TBC1D21: variants seen among roughly 807,000 people sequenced by gnomAD.
TBC1D21 encodes the protein TBC1 domain family member 21, also known as male germ cell Rab GTPase-activating protein.
Under a neutral mutation model 46.0 loss-of-function variants are expected in TBC1D21, and 38 were observed. The observed-to-expected ratio is 0.83, with a 90% CI of 0.64 to 1.08. TBC1D21 has a LOEUF of 1.08. Among genes scored for constraint, TBC1D21 ranks in the 50% least tolerant of loss-of-function variants. The probability of loss-of-function intolerance (pLI) is 0.00; values close to 1 mark genes in which losing one functional copy is unlikely to be tolerated. For missense variants in TBC1D21, 415 were observed against 417.9 expected (o/e 0.99, Z 0.06); for synonymous variants, 151 against 157.2 (o/e 0.96, Z 0.29).
rs1472597784 is a variant in TBC1D21, at chr15:73,873,718, C to A, written c.9C>A (p.Thr3=). The change falls in exon 1 of 11, where the codon ACC becomes ACA. Residue 3 remains threonine (T), a synonymous_variant. Transcript: ENST00000300504. The part of the protein sequence containing the change: MT[T]LSPENSLSAR... ...GGAAGACAGCAGGGGCCATGACCAC[C>A]CTCTCTCCTGAAAACAGCCTCTCTG... is the stretch of plus-strand genomic sequence containing the variant. 6.2e-7 allele frequency: 1 copy of A among 1,607,204 alleles called. No homozygotes were observed. Among genetic ancestry groups the A allele is most frequent in the South Asian group, 1.1e-5 (1 of 89,738 alleles).
At chr15:73,900,668 G>C in the TBC1D21 span, among the ~76,000 whole-genome samples, 1 of 152,334 alleles carries the variant, frequency 6.6e-6, no homozygotes, top group African/African-American at 2.4e-5. Context: ...ACAGTCCTAG[G>C]AGAGAGGCAG....
At chr15:73,903,601 AGT>A in the TBC1D21 span, among the ~76,000 whole-genome samples, 3 of 152,188 alleles carry the variant, frequency 2.0e-5, no homozygotes, top group Non-Finnish European at 4.4e-5. Flanking sequence ...AGGCCTGTTT[AGT>A]GGGGGCAGGG....
intron 4 of TBC1D21, among the ~76,000 whole-genome samples, chr15:73,884,458 A>G (rs2068206924): frequency 6.6e-6 from 1 of 152,186 alleles, no homozygotes; most frequent in African/African-American, 2.4e-5. Flanking sequence ...TCCTGGGTGC[A>G]TGATGTTCCT....
chr15:73,896,120 TGGGCTTGGA>T, the TBC1D21 span, among the ~76,000 whole-genome samples: 1,404 of 95,260 alleles, frequency 0.015, 71 homozygotes, highest in East Asian at 0.13. Context: ...GAGGTGAAAA[TGGGCTTGGA>T]GGAGATGAGA....
At chr15:73,889,689 A>G (rs1420069629), downstream of TBC1D21, among the ~76,000 whole-genome samples, 1 of 152,228 alleles carries the variant, frequency 6.6e-6, no homozygotes, top group Non-Finnish European at 1.5e-5. Context: ...TCCTGGTTTC[A>G]AAGCCTCCCT....
At chr15:73,903,439 T>C in the TBC1D21 span, among the ~76,000 whole-genome samples, 2 of 152,182 alleles carry the variant, frequency 1.3e-5, no homozygotes, top group African/African-American at 4.8e-5. Flanking sequence ...ACTCAGAGGG[T>C]CCACAGGGGG....
chr15:73,873,967 A>C (rs2068014254), intron 1 of TBC1D21, among the ~76,000 whole-genome samples, 198 bp downstream of exon 1: 1 of 152,192 alleles, frequency 6.6e-6, no homozygotes. Flanking sequence ...CTTCTTTCCA[A>C]GCCAGCAAAA....
At chr15:73,905,963 C>T in the TBC1D21 span, among the ~76,000 whole-genome samples, 2 of 152,164 alleles carry the variant, frequency 1.3e-5, no homozygotes, top group African/African-American at 2.4e-5. Context: ...CCTGCCTGAA[C>T]ATTGGGAGAA....
At chr15:73,889,359 G>A (rs1259370598), downstream of TBC1D21, 3 of 504,000 alleles carry the variant, frequency 6.0e-6, no homozygotes, top group African/African-American at 3.9e-5. Flanking sequence ...AAGAGACTGG[G>A]TCAGTGGCTC....
Position 73,886,531 on chromosome 15 carries a change from T to C in TBC1D21, c.696T>C (p.Ala232=). 1.2e-6 allele frequency: 2 copies of C among 1,613,742 alleles called. No individual in the cohort carries two copies. The highest frequency in any genetic ancestry group is 1.7e-6 in the Non-Finnish European group (2 of 1,180,002). Residue 232 remains alanine (A), a synonymous_variant, in exon 8 of 11, where the codon GCT becomes GCC. Transcript: ENST00000300504. ...AEHLKGKGAG[A]VQSLFPWFCF... Reference sequence around the variant, plus strand: ...CCACAGAAGGGAAGGGTGCAGGGGCTGTGCAGTCCCTCTTCCCCTGGTTCT... The same window carrying C: ...CCACAGAAGGGAAGGGTGCAGGGGCCGTGCAGTCCCTCTTCCCCTGGTTCT...
At chr15:73,893,958 G>A (rs1055449638), downstream of TBC1D21, among the ~76,000 whole-genome samples, 13 of 152,176 alleles carry the variant, frequency 8.5e-5, no homozygotes, top group East Asian at 3.8e-4. Flanking sequence ...TATGTTCCAC[G>A]CCTTGTGCTA....
At chr15:73,887,310 G>T (rs573379742) in intron 8 of TBC1D21, among the ~76,000 whole-genome samples, 34 of 152,162 alleles carry the variant, frequency 2.2e-4, no homozygotes, top group African/African-American at 6.5e-4. Context: ...ACTCAAATTC[G>T]ACAGTTTCCT....
the TBC1D21 span, among the ~76,000 whole-genome samples, chr15:73,901,495 G>A: frequency 6.6e-6 from 1 of 152,216 alleles, no homozygotes; most frequent in South Asian, 2.1e-4. Context: ...TGTTTCCATG[G>A]CTGCTGTAAC....
In TBC1D21 at chr15:73,884,148, C is replaced by T. The variant is rs983872576; in HGVS notation, c.273-3C>T. On this transcript the variant is annotated splice_region_variant and splice_polypyrimidine_tract_variant and intron_variant, in intron 3 of 10. Transcript: ENST00000300504. ...TTGTTCAGCCTCAGTTCTGTTCTCA[C>T]AGGAAGAACTACAAGGCCTTATGCC... The T allele has an allele frequency of 6.2e-7, 1 of 1,613,546 alleles. No individual in the cohort carries two copies. Among genetic ancestry groups the T allele is most frequent in the African/African-American group, 1.3e-5 (1 of 74,916 alleles).
At chr15:73,876,508 G>T (rs914378835) in intron 1 of TBC1D21, among the ~76,000 whole-genome samples, 5 of 151,178 alleles carry the variant, frequency 3.3e-5, no homozygotes, top group Non-Finnish European at 7.4e-5. Flanking sequence ...CTCCCAAAGT[G>T]CTGGGATTAC....
the TBC1D21 span, among the ~76,000 whole-genome samples, chr15:73,896,148 G>A: frequency 3.1e-3 from 240 of 76,418 alleles, no homozygotes; most frequent in African/African-American, 8.5e-3. Context: ...GAGCCATGGC[G>A]GTAGTGAGGA....
At chr15:73,885,835 C>T (rs930010600) in intron 6 of TBC1D21, among the ~76,000 whole-genome samples, 7 of 151,806 alleles carry the variant, frequency 4.6e-5, no homozygotes, top group Non-Finnish European at 1.0e-4. Flanking sequence ...CACACACACA[C>T]ACACACTACA....
In TBC1D21 at chr15:73,885,055, G is replaced by A. The variant is rs372673822; in HGVS notation, c.531G>A (p.Glu177=). The change falls in exon 6 of 11, where the codon GAG becomes GAA. Residue 177 remains glutamate, a synonymous_variant. Coordinates refer to ENST00000300504, the MANE Select transcript of TBC1D21 (RefSeq NM_153356.3). ...EMMMLFQLMV[E]HDHETFWLFQ... is the part of the protein sequence containing the mutation. ...TGATGCTCTTCCAGCTGATGGTGGA[G>A]CACGACCACGAGACCTTCTGGCTTT... 6 of 1,613,416 alleles carry A rather than the reference G, an allele frequency of 3.7e-6. No homozygotes were observed. In the African/African-American group the frequency reaches 8.0e-5, roughly 22 times the overall value.
downstream of TBC1D21, among the ~76,000 whole-genome samples, chr15:73,891,493 G>A (rs909773092): frequency 1.3e-5 from 2 of 152,178 alleles, no homozygotes; most frequent in Non-Finnish European, 2.9e-5. Context: ...ACAGGCAGGA[G>A]CCCCGCCCCC....
Sources: allele counts gnomAD v4.1 joint callset (sites outside exome capture counted in the v4.1 genomes callset), GRCh38; gene constraint gnomAD v4.1.1; transcripts MANE v1.5; gene names NCBI Gene and HGNC (gene_info 2026-07-23, HGNC 2026-07-21).